The following NPHP4 variants were observed in gnomAD, a reference collection of about 807,000 sequenced individuals.
The protein encoded by NPHP4 is nephrocystin-4.
Under a neutral mutation model 155.8 loss-of-function variants are expected in NPHP4, and 151 were observed. The observed-to-expected ratio is 0.97, with a 90% confidence interval of 0.85 to 1.11. NPHP4 has a LOEUF of 1.11. Ranked by LOEUF, NPHP4 falls within the 50% of genes least tolerant of loss-of-function variation. The probability of loss-of-function intolerance (pLI) is 0.00; values close to 1 mark genes in which losing one functional copy is unlikely to be tolerated. For missense variants in NPHP4, 1,956 were observed against 1,925.7 expected (o/e 1.02, Z -0.29); for synonymous variants, 845 against 816.8 (o/e 1.03, Z -0.59).
Position 5,867,659 on chromosome 1 carries a change from C to T in NPHP4, c.3472+81G>A, listed in dbSNP as rs1410452373. The T allele has an allele frequency of 1.3e-5, 18 of 1,429,672 alleles. No homozygotes were observed. The highest frequency in any genetic ancestry group is 1.7e-5 in the Non-Finnish European group (18 of 1,038,546). 88.6% of individuals were successfully genotyped at this position (1,429,672 alleles called of 1,614,324 possible). ...AGCACCAGGGCATGAAGCCATGAGGCCATCTGTCACCCTCAAGAGGTATCT... is the reference window on the plus strand; with the variant it reads ...AGCACCAGGGCATGAAGCCATGAGGTCATCTGTCACCCTCAAGAGGTATCT... On this transcript the variant is annotated intron_variant, in intron 24 of 29. Coordinates refer to ENST00000378156, the MANE Select transcript of NPHP4 (RefSeq NM_015102.5). This position sits in a 1 kb window ranked among gnomAD's most constrained non-coding sequence, Gnocchi z 4.1.
chr1:5,880,632 C>G (rs566649265), intron 18 of NPHP4: 2 of 236,204 alleles, frequency 8.5e-6, no homozygotes, highest in East Asian at 2.0e-4. Context: ...TGCATTTACA[C>G]GTGCAAATGT....
In NPHP4 at chr1:5,890,133, G is replaced by A. The variant is rs1570271048; in HGVS notation, c.2304+735C>T. On this transcript the variant is annotated intron_variant, in intron 17 of 29. Transcript: ENST00000378156. The surrounding 1 kb of genome is among the most constrained non-coding windows in gnomAD (Gnocchi z 4.9). The stretch of plus-strand genomic sequence containing the variant: ...GGGTTCAGCCGTGTCAGGAATCCAG[G>A]AGGAAAGCAGCTATGCGGCACTCAA... Among the ~76,000 whole-genome samples the A allele has an allele frequency of 6.6e-6, 1 of 152,272 alleles. No individual in the cohort carries two copies. Among genetic ancestry groups the A allele is most frequent in the Middle Eastern group, 3.4e-3 (1 of 294 alleles).
intron 23 of NPHP4, among the ~76,000 whole-genome samples, chr1:5,869,045 GC>G (rs1207696848): frequency 2.1e-5 from 2 of 93,916 alleles, no homozygotes; most frequent in Admixed American, 2.4e-4. Context: ...ATGCACACAT[GC>G]CCCCACACGC....
chr1:5,911,642 C>T (rs970104375), intron 11 of NPHP4, among the ~76,000 whole-genome samples: 1 of 152,162 alleles, frequency 6.6e-6, no homozygotes, highest in Non-Finnish European at 1.5e-5. Context: ...AACCTACCTA[C>T]AAGGCCATTT....
At chr1:5,992,060 AG>A (rs1656456828) in intron 1 of NPHP4, among the ~76,000 whole-genome samples, 183 bp downstream of exon 1, 1 of 151,962 alleles carries the variant, frequency 6.6e-6, no homozygotes, top group African/African-American at 2.4e-5. Flanking sequence ...ACGCGGGGAC[AG>A]CCCCCGCCGC....
chr1:5,922,034 T>C (rs1318828446), intron 11 of NPHP4, among the ~76,000 whole-genome samples: 1 of 152,250 alleles, frequency 6.6e-6, no homozygotes, highest in Non-Finnish European at 1.5e-5. Flanking sequence ...GACCCTGGAT[T>C]ATCCAGGTGG....
intron 3 of NPHP4, among the ~76,000 whole-genome samples, chr1:5,970,131 T>G (rs577712241): frequency 3.3e-4 from 50 of 152,230 alleles, no homozygotes; most frequent in African/African-American, 1.2e-3. Context: ...ATACGGGCGC[T>G]CCCACTTGGG....
rs945847552 is a variant in NPHP4, at chr1:5,892,279, C to T, written c.2144-1251G>A. On this transcript the variant is annotated intron_variant, in intron 16 of 29. Coordinates refer to ENST00000378156, the MANE Select transcript of NPHP4 (RefSeq NM_015102.5). The surrounding 1 kb of genome is among the most constrained non-coding windows in gnomAD (Gnocchi z 4.5). The stretch of plus-strand genomic sequence containing the variant: ...CCGGGATCATCCCACTGGGGCTTGT[C>T]GGACAGTGGGTGAGAGTTGGGAGGC... 6.6e-5 allele frequency among the ~76,000 whole-genome samples: 10 copies of T among 152,066 alleles called. 1 individual carries two copies. In the South Asian group the frequency reaches 1.7e-3, roughly 25 times the overall value.
At chr1:5,959,604 C>G (rs1014947934) in intron 6 of NPHP4, among the ~76,000 whole-genome samples, 5 of 152,290 alleles carry the variant, frequency 3.3e-5, no homozygotes, top group African/African-American at 1.2e-4. Context: ...TGATGACTAC[C>G]CCTCCGGCTC....
chr1:5,901,405 C>A (rs1380080879), intron 16 of NPHP4, among the ~76,000 whole-genome samples: 1 of 152,178 alleles, frequency 6.6e-6, no homozygotes, highest in East Asian at 1.9e-4. Flanking sequence ...CCAGACCTGC[C>A]CAGGCAGAGA....
chr1:5,880,099 A>G lies in NPHP4; in HGVS notation c.2611+15T>C, dbSNP rs1351867854. 2 of 1,613,456 alleles carry G rather than the reference A, an allele frequency of 1.2e-6. No individual in the cohort carries two copies. Among genetic ancestry groups the G allele is most frequent in the African/African-American group, 2.7e-5 (2 of 74,896 alleles). ...CACGACCCACCCACACATGGGCCCA[A>G]CAGTGTAAACTCACGCCTTGAGCTT... On this transcript the variant is annotated intron_variant, in intron 19 of 29. Coordinates refer to ENST00000378156, the MANE Select transcript of NPHP4 (RefSeq NM_015102.5).
chr1:5,960,765 G>A (rs1219633849), intron 6 of NPHP4, among the ~76,000 whole-genome samples: 2 of 152,070 alleles, frequency 1.3e-5, no homozygotes, highest in Non-Finnish European at 2.9e-5. Context: ...TCCTACAGCA[G>A]AGCACACCCC....
chr1:5,868,474 A>G (rs186231617), intron 23 of NPHP4: 5 of 233,290 alleles, frequency 2.1e-5, no homozygotes, highest in South Asian at 1.2e-4. Flanking sequence ...TAAAAAGGCT[A>G]TATTTGTTTC....
chr1:5,961,686 G>T, intron 6 of NPHP4, 108 bp downstream of exon 6: 1 of 1,021,836 alleles, frequency 9.8e-7, no homozygotes, highest in Non-Finnish European at 1.5e-6. Context: ...AGCTGCAGAG[G>T]GGCGCTCGGC....
intron 17 of NPHP4, among the ~76,000 whole-genome samples, chr1:5,887,941 G>A (rs532386341): frequency 2.0e-5 from 3 of 152,362 alleles, no homozygotes; most frequent in African/African-American, 7.2e-5. Flanking sequence ...AGGGGAGGCA[G>A]AGAAGGCCGG....
chr1:5,895,265 T>C (rs1298230944), intron 16 of NPHP4, among the ~76,000 whole-genome samples: 2 of 151,956 alleles, frequency 1.3e-5, no homozygotes, highest in African/African-American at 2.4e-5. Context: ...CACACCAACA[T>C]GGCACATGTA....
Position 5,867,111 on chromosome 1 carries a change from A to C in NPHP4, c.3477T>G (p.Ala1159=), listed in dbSNP as rs755250679. Residue 1159 remains alanine, a synonymous_variant, in exon 25 of 30, where the codon GCT becomes GCG. Coordinates refer to ENST00000378156, the MANE Select transcript of NPHP4 (RefSeq NM_015102.5). This position sits in a 1 kb window ranked among gnomAD's most constrained non-coding sequence, Gnocchi z 4.1. ...GGTCCTCACCAAGCATTCCCACCGG[A>C]GCACCTGGAGCAGGGGAAATGTCAA... The part of the protein sequence containing the change: ...RLPPWHTFPG[A]PVGMLGEDPP... The C allele has an allele frequency of 1.9e-6, 3 of 1,610,674 alleles. No individual in the cohort carries two copies. The highest frequency in any genetic ancestry group is 1.3e-5 in the African/African-American group (1 of 74,858).
At chr1:5,979,144 T>C (rs1004715544) in intron 2 of NPHP4, among the ~76,000 whole-genome samples, 5 of 152,178 alleles carry the variant, frequency 3.3e-5, no homozygotes, top group Non-Finnish European at 5.9e-5. Context: ...CTGTGACAGG[T>C]TCTTACCTGA....
chr1:5,964,941 A>ATATATATATATT, intron 5 of NPHP4, among the ~76,000 whole-genome samples: 1 of 59,426 alleles, frequency 1.7e-5, no homozygotes, highest in African/African-American at 8.5e-5. Flanking sequence ...ATATATATAT[A>ATATATATATATT]TTTTTTTTTT....
Sources: gnomAD v4.1 joint callset for allele counts (sites outside exome capture counted in the v4.1 genomes callset) on GRCh38, gnomAD v4.1.1 for gene constraint, Gnocchi (gnomAD v3.1) non-coding constraint, MANE v1.5 for transcripts, NCBI Gene and HGNC (gene_info 2026-07-23, HGNC 2026-07-21) for gene names.